C17orf107: variants seen among roughly 807,000 people sequenced by gnomAD.
C17orf107 encodes the protein chromosome 17 open reading frame 107.
Under a neutral mutation model 8.9 loss-of-function variants are expected in C17orf107, and 9 were observed. The ratio of observed to expected loss-of-function variants is 1.02; its 90% CI spans 0.61 to 1.77. The LOEUF (loss-of-function observed/expected upper bound fraction) is 1.77, where lower values mean the gene tolerates loss of function less well. C17orf107 is among the 40% of genes most tolerant of loss of function. The probability of loss-of-function intolerance (pLI) is 0.00; values close to 1 mark genes in which losing one functional copy is unlikely to be tolerated. For synonymous variants in C17orf107, 139 were observed against 120.3 expected (o/e 1.16, Z -1.02); for missense variants, 281 against 249.0 (o/e 1.13, Z -0.86).
chr17:4,902,469 G>C lies in C17orf107; in HGVS notation c.*1936G>C, dbSNP rs776272606. On this transcript the variant is annotated 3_prime_UTR_variant, in exon 3 of 3. Coordinates refer to ENST00000381365, the MANE Select transcript of C17orf107 (RefSeq NM_001145536.2). This position sits in a 1 kb window ranked among gnomAD's most constrained non-coding sequence, Gnocchi z 4.0. ...ACTCACGATTCCAATCCAGACGCTAGTGGTGAGAGTCTCCTCTTTTTCATT... is the reference window on the plus strand; with the variant it reads ...ACTCACGATTCCAATCCAGACGCTACTGGTGAGAGTCTCCTCTTTTTCATT... The C allele has an allele frequency of 1.9e-6, 3 of 1,614,218 alleles. No individual in the cohort carries two copies. In the South Asian group the frequency reaches 3.3e-5, roughly 18 times the overall value.
chr17:4,900,004 G>GC lies in C17orf107; in HGVS notation c.136dup (p.Gln46ProfsTer197), dbSNP rs201204280. 1.1e-3 allele frequency: 1,693 copies of GC among 1,551,570 alleles called. 18 individuals carry two copies. In the African/African-American group the frequency reaches 0.02, roughly 18 times the overall value. ...TGGCCGCAGCCCATGAATATCTGGAGCAGAGGTTCAGAGAGCTGAAGTCCC... is the reference window on the plus strand; with the variant it reads ...TGGCCGCAGCCCATGAATATCTGGAGCCAGAGGTTCAGAGAGCTGAAGTCCC... On this transcript the variant is annotated frameshift_variant, in exon 2 of 3. Transcript: ENST00000381365. LOFTEE classifies it high-confidence loss of function.
downstream of C17orf107, among the ~76,000 whole-genome samples, chr17:4,904,946 CTT>C (rs1970073044): frequency 6.6e-6 from 1 of 152,366 alleles, no homozygotes; most frequent in South Asian, 2.1e-4. Flanking sequence ...CAGCTTACCT[CTT>C]TGCATGTGGC....
rs922213129 is a variant in C17orf107, at chr17:4,902,148, TC to T, written c.*1619del. On this transcript the variant is annotated 3_prime_UTR_variant, in exon 3 of 3. Transcript: ENST00000381365. The surrounding 1 kb of genome is among the most constrained non-coding windows in gnomAD (Gnocchi z 4.0). ...TCTGCACCCTCTCAGAGTACCCCCT[TC>T]CCCAACCAAGTCCAGCCCGCACCCC... 1.9e-6 allele frequency: 3 copies of T among 1,611,572 alleles called. No homozygotes were observed. Among genetic ancestry groups the T allele is most frequent in the Non-Finnish European group, 2.5e-6 (3 of 1,179,134 alleles).
Position 4,902,208 on chromosome 17 carries a change from G to C in C17orf107, c.*1675G>C, listed in dbSNP as rs371037732. 1.9e-6 allele frequency: 3 copies of C among 1,613,732 alleles called. No individual in the cohort carries two copies. The African/African-American group carries it at 4.0e-5, about 22-fold the overall frequency. Reference sequence around the variant, plus strand: ...TTCCCTCCAGCCTGGCGTCTGGCCCGGTTCTCACTTGTTTTCCAGCACAAT... The same window carrying C: ...TTCCCTCCAGCCTGGCGTCTGGCCCCGTTCTCACTTGTTTTCCAGCACAAT... On this transcript the variant is annotated 3_prime_UTR_variant, in exon 3 of 3. Coordinates refer to ENST00000381365, the MANE Select transcript of C17orf107 (RefSeq NM_001145536.2). The surrounding 1 kb of genome is among the most constrained non-coding windows in gnomAD (Gnocchi z 4.0).
chr17:4,904,036 T>G (rs2151099830), downstream of C17orf107, among the ~76,000 whole-genome samples: 1 of 151,776 alleles, frequency 6.6e-6, no homozygotes, highest in East Asian at 2.0e-4. Flanking sequence ...TTTTGTATTT[T>G]TTAGTAGAGA....
rs113559784 is a variant in C17orf107 at position 4,901,884 on chromosome 17, G to GCCCC, written c.*1357_*1360dup. 5.2e-6 allele frequency: 8 copies of GCCCC among 1,526,438 alleles called. No individual in the cohort carries two copies. Among genetic ancestry groups the GCCCC allele is most frequent in the Admixed American group, 1.7e-5 (1 of 58,974 alleles). 94.6% of individuals were successfully genotyped at this position (1,526,438 alleles called of 1,614,324 possible). On this transcript the variant is annotated 3_prime_UTR_variant, in exon 3 of 3. Transcript: ENST00000381365. ...TTCCCGGTTGGCCCCGCCCCATAAG[G>GCCCC]CCCCCCCCCAACAATAATCGTCCGG...
rs562549507 is a variant in C17orf107 at position 4,899,933 on chromosome 17, C to T, written c.67-3C>T. 9.0e-6 allele frequency: 14 copies of T among 1,550,216 alleles called. No individual in the cohort carries two copies. In the East Asian group the frequency reaches 2.7e-4, roughly 30 times the overall value. On this transcript the variant is annotated splice_polypyrimidine_tract_variant and splice_region_variant and intron_variant, in intron 1 of 2. Coordinates refer to ENST00000381365, the MANE Select transcript of C17orf107 (RefSeq NM_001145536.2). The stretch of plus-strand genomic sequence containing the variant: ...CTACTCTACTGCTCTGCTCCTTCTC[C>T]AGGTGGCCCTCCAGCCCCCGCTTCT...
rs1160591377 is a variant in C17orf107 at position 4,899,618 on chromosome 17, C to T, written c.-145C>T. 3 of 1,506,746 alleles carry T rather than the reference C, an allele frequency of 2.0e-6. No homozygotes were observed. Among genetic ancestry groups the T allele is most frequent in the Non-Finnish European group, 2.7e-6 (3 of 1,105,144 alleles). The allele number at this position is 1,506,746 out of a possible 1,614,324, so 93.3% of individuals were successfully genotyped here. A position where few individuals can be genotyped will look rare whatever the true frequency, so the allele number is the denominator to read the frequency against. On this transcript the variant is annotated 5_prime_UTR_variant, in exon 1 of 3. Transcript: ENST00000381365. ...CGGAAGGCATGACATCACCGTTCCTCCTCCCAGCTACCGAAGGCGCCGCGC... is the reference window on the plus strand; with the variant it reads ...CGGAAGGCATGACATCACCGTTCCTTCTCCCAGCTACCGAAGGCGCCGCGC...
In C17orf107 at chr17:4,902,836, C is replaced by T. The variant is rs1356507311; in HGVS notation, c.*2303C>T. On this transcript the variant is annotated 3_prime_UTR_variant, in exon 3 of 3. Coordinates refer to ENST00000381365, the MANE Select transcript of C17orf107 (RefSeq NM_001145536.2). This position sits in a 1 kb window ranked among gnomAD's most constrained non-coding sequence, Gnocchi z 4.0. ...AGCACCTCTCTCCCCTCTGCCTCCC[C>T]TGGGTCCTCACAGGCCTCTGAGGCT... 5 of 1,609,466 alleles carry T rather than the reference C, an allele frequency of 3.1e-6. No individual in the cohort carries two copies. Among genetic ancestry groups the T allele is most frequent in the Non-Finnish European group, 4.2e-6 (5 of 1,176,478 alleles).
At chr17:4,906,540 G>A (rs150939486), downstream of C17orf107, among the ~76,000 whole-genome samples, 4 of 152,146 alleles carry the variant, frequency 2.6e-5, no homozygotes, top group East Asian at 1.9e-4. Context: ...TTGAATAGAC[G>A]CTTCTCAAAA....
rs1970014175 is a variant in C17orf107, at chr17:4,902,196, G to C, written c.*1663G>C. On this transcript the variant is annotated 3_prime_UTR_variant, in exon 3 of 3. Coordinates refer to ENST00000381365, the MANE Select transcript of C17orf107 (RefSeq NM_001145536.2). The surrounding 1 kb of genome is among the most constrained non-coding windows in gnomAD (Gnocchi z 4.0). The stretch of plus-strand genomic sequence containing the variant: ...CCCCAGGCCGGCTTCCCTCCAGCCT[G>C]GCGTCTGGCCCGGTTCTCACTTGTT... 6.2e-7 allele frequency: 1 copy of C among 1,613,892 alleles called. No individual in the cohort carries two copies. The highest frequency in any genetic ancestry group is 1.3e-5 in the African/African-American group (1 of 74,908).
downstream of C17orf107, chr17:4,902,953 T>A: frequency 6.2e-7 from 1 of 1,607,410 alleles, no homozygotes; most frequent in Non-Finnish European, 8.5e-7. This position sits in a 1 kb window ranked among gnomAD's most constrained non-coding sequence, Gnocchi z 4.0. Flanking sequence ...TCTGTCTTTG[T>A]CTTCCCAGTC....
In C17orf107 at chr17:4,902,131, C is replaced by T; in HGVS notation, c.*1598C>T. On this transcript the variant is annotated 3_prime_UTR_variant, in exon 3 of 3. Coordinates refer to ENST00000381365, the MANE Select transcript of C17orf107 (RefSeq NM_001145536.2). The surrounding 1 kb of genome is among the most constrained non-coding windows in gnomAD (Gnocchi z 4.0). ...CGAGCTTTTTGCACAGGTCTGCACC[C>T]TCTCAGAGTACCCCCTTCCCCAACC... The T allele has an allele frequency of 1.2e-6, 2 of 1,613,782 alleles. No individual in the cohort carries two copies. Among genetic ancestry groups the T allele is most frequent in the Non-Finnish European group, 1.7e-6 (2 of 1,179,862 alleles).
rs1969986338 is a variant in C17orf107, at chr17:4,901,584, G to A, written c.*1051G>A. 1 of 1,614,056 alleles carries A rather than the reference G, an allele frequency of 6.2e-7. No homozygotes were observed. The highest frequency in any genetic ancestry group is 8.5e-7 in the Non-Finnish European group (1 of 1,180,014). On this transcript the variant is annotated 3_prime_UTR_variant, in exon 3 of 3. Coordinates refer to ENST00000381365, the MANE Select transcript of C17orf107 (RefSeq NM_001145536.2). Reference sequence around the variant, plus strand: ...GATGGTCTTGCCGTCGTTGTCTACGGCAAAAGTGAACTCCACCTCTTCGGC... The same window carrying A: ...GATGGTCTTGCCGTCGTTGTCTACGACAAAAGTGAACTCCACCTCTTCGGC...
chr17:4,900,076 G>T lies in C17orf107; in HGVS notation c.207G>T (p.Lys69Asn). 2.6e-6 allele frequency: 4 copies of T among 1,551,070 alleles called. No homozygotes were observed. Among genetic ancestry groups the T allele is most frequent in the Non-Finnish European group, 3.5e-6 (4 of 1,146,994 alleles). The change falls in exon 2 of 3, where the codon AAG becomes AAT. Residue 69 changes from lysine to asparagine, a missense_variant. Physicochemically the swap from Lys to Asn is moderately conservative, Grantham distance 94 (BLOSUM62 0). Transcript: ENST00000381365. ...TGCAGGGGATGCTGCCTGCCCCGAA[G>T]CCCACCCTGGGGCTGGTGTTGAGAG... ...PKMQGMLPAP[K>N]PTLGLVLREA...
Position 4,902,479 on chromosome 17 carries a change from TCTC to T in C17orf107, c.*1950_*1952del, listed in dbSNP as rs769000275. 6.2e-7 allele frequency: 1 copy of T among 1,613,674 alleles called. No homozygotes were observed. The highest frequency in any genetic ancestry group is 8.5e-7 in the Non-Finnish European group (1 of 1,179,962). ...CCAATCCAGACGCTAGTGGTGAGAG[TCTC>T]CTCTTTTTCATTCTGCAGATGGGAG... On this transcript the variant is annotated 3_prime_UTR_variant, in exon 3 of 3. Transcript: ENST00000381365. This position sits in a 1 kb window ranked among gnomAD's most constrained non-coding sequence, Gnocchi z 4.0.
In C17orf107 at chr17:4,901,814, G is replaced by A; in HGVS notation, c.*1281G>A. On this transcript the variant is annotated 3_prime_UTR_variant, in exon 3 of 3. Coordinates refer to ENST00000381365, the MANE Select transcript of C17orf107 (RefSeq NM_001145536.2). ...CTGGAGCGTCCCACCCAGTGCCTACGCCTGGCTCCGCCTCCAGCGCGAAGC... is the reference window on the plus strand; with the variant it reads ...CTGGAGCGTCCCACCCAGTGCCTACACCTGGCTCCGCCTCCAGCGCGAAGC... 2.1e-6 allele frequency: 3 copies of A among 1,462,920 alleles called. No homozygotes were observed. The South Asian group carries it at 3.5e-5, about 17-fold the overall frequency. 90.6% of individuals were successfully genotyped at this position (1,462,920 alleles called of 1,614,324 possible). A position where few individuals can be genotyped will look rare whatever the true frequency, so the allele number is the denominator to read the frequency against.
chr17:4,903,042 C>A, downstream of C17orf107: 1 of 1,614,018 alleles, frequency 6.2e-7, no homozygotes, highest in Non-Finnish European at 8.5e-7. Context: ...AGGAGCAGGA[C>A]CCCAAGCGGA....
chr17:4,902,474 G>C lies in C17orf107; in HGVS notation c.*1941G>C, dbSNP rs750125430. 13 of 1,614,200 alleles carry C rather than the reference G, an allele frequency of 8.1e-6. No homozygotes were observed. The highest frequency in any genetic ancestry group is 1.1e-5 in the Non-Finnish European group (13 of 1,180,032). On this transcript the variant is annotated 3_prime_UTR_variant, in exon 3 of 3. Transcript: ENST00000381365. The surrounding 1 kb of genome is among the most constrained non-coding windows in gnomAD (Gnocchi z 4.0). ...CGATTCCAATCCAGACGCTAGTGGT[G>C]AGAGTCTCCTCTTTTTCATTCTGCA...
Sources: allele counts gnomAD v4.1 joint callset (sites outside exome capture counted in the v4.1 genomes callset), GRCh38; gene constraint gnomAD v4.1.1; non-coding constraint Gnocchi (gnomAD v3.1); transcripts MANE v1.5; gene names NCBI Gene and HGNC (gene_info 2026-07-23, HGNC 2026-07-21).